B3GALT1: variants seen among roughly 807,000 people sequenced by gnomAD.
B3GALT1 encodes beta-1,3-galactosyltransferase 1.
A neutral mutation model predicts 23.2 loss-of-function variants in B3GALT1; 10 were observed. The ratio of observed to expected loss-of-function variants is 0.43; its 90% CI spans 0.27 to 0.73. The LOEUF (loss-of-function observed/expected upper bound fraction) is 0.73. Ranked by LOEUF, B3GALT1 falls within the 30% of genes least tolerant of loss-of-function variation. The pLI, the probability that B3GALT1 is intolerant of heterozygous loss-of-function variation, is 0.21. For synonymous variants in B3GALT1, 156 were observed against 141.5 expected (o/e 1.10, Z -0.73); for missense variants, 299 against 405.4 (o/e 0.74, Z 2.25).
intron 2 of B3GALT1, among the ~76,000 whole-genome samples, chr2:167,628,797 G>A (rs2105445265): frequency 6.6e-6 from 1 of 151,760 alleles, no homozygotes; most frequent in East Asian, 1.9e-4. Flanking sequence ...TGTATTAACT[G>A]TAAGCAGTAA....
At chr2:167,472,120 A>G (rs1156320730) in intron 1 of B3GALT1, among the ~76,000 whole-genome samples, 2 of 152,224 alleles carry the variant, frequency 1.3e-5, no homozygotes, top group African/African-American at 4.8e-5. Context: ...TATAATTAGT[A>G]CATGTTTGGC....
chr2:167,532,434 G>C lies in B3GALT1; in HGVS notation c.-410+42157G>C, dbSNP rs547184832. Among the ~76,000 whole-genome samples, 5 of 152,172 alleles carry C rather than the reference G, an allele frequency of 3.3e-5. No homozygotes were observed. In the South Asian group the frequency reaches 1.0e-3, roughly 32 times the overall value. ...TTTATAGGCAATACTGTTATACATA[G>C]ATTCATTTTCTGTATTTTTTGTTTG... is the stretch of plus-strand genomic sequence containing the variant. On this transcript the variant is annotated intron_variant, in intron 2 of 4. Transcript: ENST00000392690.
chr2:167,446,492 C>G (rs1185153148), intron 1 of B3GALT1, among the ~76,000 whole-genome samples: 1 of 152,214 alleles, frequency 6.6e-6, no homozygotes, highest in African/African-American at 2.4e-5. Flanking sequence ...CTGTCACTCT[C>G]AGGTACACCA....
intron 4 of B3GALT1, among the ~76,000 whole-genome samples, chr2:167,858,576 C>T (rs1200193726): frequency 6.6e-6 from 1 of 152,018 alleles, no homozygotes; most frequent in Non-Finnish European, 1.5e-5. Context: ...CAAAGTCTGG[C>T]CAGACATTAT....
intron 2 of B3GALT1, among the ~76,000 whole-genome samples, chr2:167,571,650 T>G (rs1471944884): frequency 6.6e-6 from 1 of 151,882 alleles, no homozygotes; most frequent in Admixed American, 6.6e-5. Context: ...TTCCAAGCTA[T>G]GGAACAAGAA....
intron 3 of B3GALT1, among the ~76,000 whole-genome samples, chr2:167,771,936 A>G (rs1000853275): frequency 3.3e-5 from 5 of 152,168 alleles, no homozygotes. Context: ...TGAAATACAG[A>G]CTGGGGGAGA....
intron 1 of B3GALT1, among the ~76,000 whole-genome samples, chr2:167,410,964 T>G (rs542916193): frequency 6.6e-6 from 1 of 152,122 alleles, no homozygotes; most frequent in African/African-American, 2.4e-5. Flanking sequence ...TATACAAATG[T>G]ATTTTACCTT....
intron 4 of B3GALT1, among the ~76,000 whole-genome samples, chr2:167,834,295 A>G (rs993332834): frequency 1.3e-5 from 2 of 152,172 alleles, no homozygotes; most frequent in East Asian, 3.9e-4. Context: ...CTTGAAGTTA[A>G]TAATAAATAG....
chr2:167,498,490 G>A (rs1699806807), intron 2 of B3GALT1, among the ~76,000 whole-genome samples: 1 of 152,044 alleles, frequency 6.6e-6, no homozygotes, highest in Non-Finnish European at 1.5e-5. Flanking sequence ...TTTGTTTCCT[G>A]CTTTCTCTGC....
intron 1 of B3GALT1, among the ~76,000 whole-genome samples, chr2:167,296,329 A>G (rs572435046): frequency 2.7e-4 from 41 of 152,336 alleles, no homozygotes; most frequent in African/African-American, 9.6e-4. Context: ...TTGTACGTGA[A>G]TAGGTAAGAA....
rs184589046 is a variant in B3GALT1, at chr2:167,475,733, A to G, written c.-510-14444A>G. On this transcript the variant is annotated intron_variant, in intron 1 of 4. Transcript: ENST00000392690. ...AGATAAGGGGGTACTACCATACCACATACTGGCGGGCTCAAACAGTAGAAA... is the reference window on the plus strand; with the variant it reads ...AGATAAGGGGGTACTACCATACCACGTACTGGCGGGCTCAAACAGTAGAAA... Among the ~76,000 whole-genome samples, 151 of 152,254 alleles carry G rather than the reference A, an allele frequency of 9.9e-4. 1 individual carries two copies. The highest frequency in any genetic ancestry group is 1.7e-3 in the Non-Finnish European group (116 of 68,030).
chr2:167,710,288 G>A (rs17581555), intron 3 of B3GALT1, among the ~76,000 whole-genome samples: 2 of 152,086 alleles, frequency 1.3e-5, no homozygotes, highest in Non-Finnish European at 2.9e-5. Context: ...GTAACTTATT[G>A]TGTATGGCTT....
Position 167,566,524 on chromosome 2 carries a change from AAAG to A in B3GALT1, c.-410+76250_-410+76252del, listed in dbSNP as rs200809692. ...AATAATAATAATAATAAAAGAATAA[AAAG>A]AAAAATTAGCTCAAAATAAACTTTA... On this transcript the variant is annotated intron_variant, in intron 2 of 4. Coordinates refer to ENST00000392690, the MANE Select transcript of B3GALT1 (RefSeq NM_020981.4). Among the ~76,000 whole-genome samples the A allele has an allele frequency of 6.9e-3, 1,042 of 150,630 alleles. 28 individuals are homozygous for A. In the East Asian group the frequency reaches 0.085, roughly 12 times the overall value.
intron 1 of B3GALT1, among the ~76,000 whole-genome samples, chr2:167,359,209 A>C (rs1406572115): frequency 6.6e-6 from 1 of 152,214 alleles, no homozygotes; most frequent in Admixed American, 6.5e-5. Flanking sequence ...AAAGCTCAAA[A>C]ATTTTGTTGT....
intron 2 of B3GALT1, among the ~76,000 whole-genome samples, chr2:167,634,116 A>G (rs922959706): frequency 6.6e-6 from 1 of 152,164 alleles, no homozygotes; most frequent in African/African-American, 2.4e-5. Flanking sequence ...AAATAACGAA[A>G]TTAAGGCAGA....
intron 3 of B3GALT1, among the ~76,000 whole-genome samples, chr2:167,699,611 A>G (rs1686845767): frequency 3.9e-5 from 6 of 152,098 alleles, no homozygotes; most frequent in Admixed American, 3.9e-4. Flanking sequence ...TTTCATGAAA[A>G]TTACTTTTAG....
chr2:167,437,677 T>C (rs954571758), intron 1 of B3GALT1, among the ~76,000 whole-genome samples: 3 of 152,216 alleles, frequency 2.0e-5, no homozygotes, highest in African/African-American at 7.2e-5. Context: ...TATGGCTTTT[T>C]CTCTTCCTCT....
chr2:167,555,797 A>C (rs147586036), intron 2 of B3GALT1, among the ~76,000 whole-genome samples: 2 of 152,122 alleles, frequency 1.3e-5, no homozygotes, highest in African/African-American at 4.8e-5. Context: ...AATATATCCT[A>C]TTTCCTTGGG....
chr2:167,609,673 T>C (rs1472661961), intron 2 of B3GALT1, among the ~76,000 whole-genome samples: 1 of 152,178 alleles, frequency 6.6e-6, no homozygotes, highest in Non-Finnish European at 1.5e-5. Context: ...AACTATCTCC[T>C]GTATCTCATT....
Sources: allele counts gnomAD v4.1 joint callset (sites outside exome capture counted in the v4.1 genomes callset), GRCh38; gene constraint gnomAD v4.1.1; transcripts MANE v1.5; gene names NCBI Gene and HGNC (gene_info 2026-07-23, HGNC 2026-07-21).